TIMM44: variants seen among roughly 807,000 people sequenced by gnomAD.
TIMM44 encodes the protein translocase of inner mitochondrial membrane 44.
A neutral mutation model predicts 63.8 loss-of-function variants in TIMM44; 37 were observed. The ratio of observed to expected loss-of-function variants is 0.58; its 90% confidence interval spans 0.45 to 0.76. The LOEUF (loss-of-function observed/expected upper bound fraction) is 0.76, where lower values mean the gene tolerates loss of function less well. TIMM44 is among the 30% of genes least tolerant of loss of function. The pLI, the probability that TIMM44 is intolerant of heterozygous loss-of-function variation, is 0.00. For synonymous variants in TIMM44, 239 were observed against 245.1 expected (o/e 0.98, Z 0.23); for missense variants, 573 against 603.8 (o/e 0.95, Z 0.54).
In TIMM44 at chr19:7,934,272, ACCGGCCCTGGCGGCCG is replaced by A; in HGVS notation, c.394-50_394-35del. 1 of 1,607,458 alleles carries A rather than the reference ACCGGCCCTGGCGGCCG, an allele frequency of 6.2e-7. No homozygotes were observed. Among genetic ancestry groups the A allele is most frequent in the Non-Finnish European group, 8.5e-7 (1 of 1,179,826 alleles). The stretch of plus-strand genomic sequence containing the variant: ...ACAGACACAGAGAGGGGGCGTTGGC[ACCGGCCCTGGCGGCCG>A]GGGGGCGGGGCAGGAGGAATGAATT... On this transcript the variant is annotated intron_variant, in intron 4 of 12. Transcript: ENST00000270538. This position sits in a 1 kb window ranked among gnomAD's most constrained non-coding sequence, Gnocchi z 5.3.
At position 7,933,180 on chromosome 19, in the gene TIMM44, C is replaced by T. The variant is rs1204471835; in HGVS notation, c.770-248G>A. 6.6e-6 allele frequency among the ~76,000 whole-genome samples: 1 copy of T among 152,172 alleles called. No homozygotes were observed. The highest frequency in any genetic ancestry group is 1.5e-5 in the Non-Finnish European group (1 of 68,016). On this transcript the variant is annotated intron_variant, in intron 7 of 12. Transcript: ENST00000270538. The surrounding 1 kb of genome is among the most constrained non-coding windows in gnomAD (Gnocchi z 4.3). ...GGGCTGTGTAAGTTATGGGCCGCCA[C>T]CCCACTGGCTGTTGCTTTCACTACA...
intron 10 of TIMM44, 110 bp downstream of exon 10, chr19:7,931,028 C>G (rs1983965589): frequency 1.0e-6 from 1 of 971,376 alleles, no homozygotes; most frequent in Non-Finnish European, 1.6e-6. Context: ...ACCGGGAGCC[C>G]AGGTCCTGCC....
At chr19:7,929,610 C>T (rs1239464267) in intron 10 of TIMM44, among the ~76,000 whole-genome samples, 1 of 152,112 alleles carries the variant, frequency 6.6e-6, no homozygotes, top group East Asian at 1.9e-4. Context: ...TCTCACGACC[C>T]GTGGGAGGTG....
intron 3 of TIMM44, among the ~76,000 whole-genome samples, chr19:7,937,595 G>A (rs1984192543): frequency 6.6e-6 from 1 of 152,194 alleles, no homozygotes; most frequent in Non-Finnish European, 1.5e-5. Flanking sequence ...TCTCATTAGT[G>A]CATCAGAGCA....
chr19:7,932,579 G>A (rs1219334010), intron 9 of TIMM44, 48 bp downstream of exon 9: 2 of 1,602,246 alleles, frequency 1.2e-6, no homozygotes, highest in African/African-American at 2.7e-5. Flanking sequence ...GGAGGTGGTG[G>A]AGCCAGGACC....
chr19:7,942,337 C>T (rs996124922), intron 1 of TIMM44, among the ~76,000 whole-genome samples: 1 of 152,088 alleles, frequency 6.6e-6, no homozygotes, highest in Non-Finnish European at 1.5e-5. Context: ...TGCCTGTAAT[C>T]CCGATACTTT....
intron 3 of TIMM44, among the ~76,000 whole-genome samples, chr19:7,936,845 A>G (rs1406664912): frequency 6.6e-6 from 1 of 152,192 alleles, no homozygotes; most frequent in Non-Finnish European, 1.5e-5. Flanking sequence ...TCACACCTGT[A>G]ATCTCAGCAC....
At position 7,932,931 on chromosome 19, in the gene TIMM44, C is replaced by G. The variant is rs1057522943; in HGVS notation, c.771G>C (p.Arg257=). The change falls in exon 8 of 13, where the codon CGG becomes CGC. Residue 257 remains arginine (R), a splice_region_variant and synonymous_variant. Coordinates refer to ENST00000270538, the MANE Select transcript of TIMM44 (RefSeq NM_006351.4). ...CATACTTCATCTTCATCTCGAAGAA[C>G]CCTGTGGAAGATGGGGTAGGTGCTG... ...DFKENNVVFN[R]FFEMKMKYDE... 1 of 1,613,914 alleles carries G rather than the reference C, an allele frequency of 6.2e-7. No homozygotes were observed.
intron 3 of TIMM44, among the ~76,000 whole-genome samples, chr19:7,935,924 T>A (rs1336859213): frequency 2.0e-5 from 3 of 152,078 alleles, no homozygotes. Flanking sequence ...GAAGCTGAGA[T>A]GGGAGGATCG....
chr19:7,930,983 C>T (rs947062464), intron 10 of TIMM44, among the ~76,000 whole-genome samples, 155 bp downstream of exon 10: 29 of 151,896 alleles, frequency 1.9e-4, no homozygotes, highest in African/African-American at 6.8e-4. Flanking sequence ...GGGGGGATGT[C>T]AGGCTCTCGG....
rs1599648638 is a variant in TIMM44 at position 7,933,800 on chromosome 19, C to T, written c.683+64G>A. ...CAGGAGGGAACCATTGGTGGGCTCC[C>T]GAAATGGACAGCAGTGAAAGCTGCC... On this transcript the variant is annotated intron_variant, in intron 6 of 12. Transcript: ENST00000270538. This position sits in a 1 kb window ranked among gnomAD's most constrained non-coding sequence, Gnocchi z 4.3. The T allele has an allele frequency of 4.8e-5, 78 of 1,608,252 alleles. No individual in the cohort carries two copies. In the East Asian group the frequency reaches 1.5e-3, roughly 31 times the overall value.
chr19:7,932,944 G>A lies in TIMM44; in HGVS notation c.770-12C>T. 6.2e-7 allele frequency: 1 copy of A among 1,611,968 alleles called. No individual in the cohort carries two copies. Among genetic ancestry groups the A allele is most frequent in the Non-Finnish European group, 8.5e-7 (1 of 1,178,190 alleles). ...CATCTCGAAGAACCCTGTGGAAGATGGGGTAGGTGCTGGAGAAGGGGCCCC... is the reference window on the plus strand; with the variant it reads ...CATCTCGAAGAACCCTGTGGAAGATAGGGTAGGTGCTGGAGAAGGGGCCCC... On this transcript the variant is annotated splice_polypyrimidine_tract_variant and intron_variant, in intron 7 of 12. Transcript: ENST00000270538.
rs766962749 is a variant in TIMM44, at chr19:7,932,768, C to T, written c.863-17G>A. Reference sequence around the variant, plus strand: ...ACAGGCCCCCTGCAGGGAGCAGAGCCGGGAGTTCGGGGGGAAGGCCGGGGA... The same window carrying T: ...ACAGGCCCCCTGCAGGGAGCAGAGCTGGGAGTTCGGGGGGAAGGCCGGGGA... On this transcript the variant is annotated splice_polypyrimidine_tract_variant and intron_variant, in intron 8 of 12. Coordinates refer to ENST00000270538, the MANE Select transcript of TIMM44 (RefSeq NM_006351.4). 8.3e-5 allele frequency: 134 copies of T among 1,613,926 alleles called. No homozygotes were observed. The Admixed American group carries it at 2.0e-3, about 24-fold the overall frequency.
In TIMM44 at chr19:7,934,187, C is replaced by T. The variant is rs368458102; in HGVS notation, c.445G>A (p.Val149Met). ...SDLGRKIKEG[V>M]EEAAKTAKQS... ...TTGGCCGTCTTGGCTGCTTCCTCCA[C>T]GCCCTCCTTGATTTTCCGGCCGAGA... Residue 149 changes from valine (V) to methionine (M), a missense_variant, in exon 5 of 13, where the codon GTG becomes ATG. Transcript: ENST00000270538. This position sits in a 1 kb window ranked among gnomAD's most constrained non-coding sequence, Gnocchi z 5.3. 1.7e-5 allele frequency: 28 copies of T among 1,613,594 alleles called. No individual in the cohort carries two copies. Among genetic ancestry groups the T allele is most frequent in the African/African-American group, 5.3e-5 (4 of 75,060 alleles).
rs577187335 is a variant in TIMM44 at position 7,935,809 on chromosome 19, G to A, written c.313-664C>T. 1.2e-3 allele frequency among the ~76,000 whole-genome samples: 189 copies of A among 152,174 alleles called. 1 individual carries two copies. Among genetic ancestry groups the A allele is most frequent in the Non-Finnish European group, 1.8e-3 (124 of 68,030 alleles). The stretch of plus-strand genomic sequence containing the variant: ...ACCACAGCTTGGTCTTATGTCTCCC[G>A]CTCCATCCATCCCACTCCAAACTCA... On this transcript the variant is annotated intron_variant, in intron 3 of 12. Coordinates refer to ENST00000270538, the MANE Select transcript of TIMM44 (RefSeq NM_006351.4).
chr19:7,937,475 A>G (rs1450497941), intron 3 of TIMM44, among the ~76,000 whole-genome samples: 2 of 152,180 alleles, frequency 1.3e-5, no homozygotes, highest in East Asian at 3.9e-4. Flanking sequence ...CACTCCCAGG[A>G]GGAGCCACTG....
At chr19:7,941,316 T>TC in intron 1 of TIMM44, 119 bp from the exon 2 acceptor site, 1 of 770,244 alleles carries the variant, frequency 1.3e-6, no homozygotes, top group Non-Finnish European at 2.2e-6. Flanking sequence ...TTTTTTTTTT[T>TC]TGAGACGGAG....
At position 7,934,900 on chromosome 19, in the gene TIMM44, T is replaced by G. The variant is rs1984100001; in HGVS notation, c.393+165A>C. On this transcript the variant is annotated intron_variant, in intron 4 of 12. Coordinates refer to ENST00000270538, the MANE Select transcript of TIMM44 (RefSeq NM_006351.4). The surrounding 1 kb of genome is among the most constrained non-coding windows in gnomAD (Gnocchi z 5.3). ...CAAGGTTGCCAGTCTGACCTCACCC[T>G]GCATGTGCCGGGAACTCCTGAAACC... Among the ~76,000 whole-genome samples the G allele has an allele frequency of 6.6e-6, 1 of 152,094 alleles. No homozygotes were observed. Among genetic ancestry groups the G allele is most frequent in the Non-Finnish European group, 1.5e-5 (1 of 67,974 alleles).
chr19:7,927,359 A>G, intron 12 of TIMM44, 53 bp from the exon 13 acceptor site: 1 of 1,583,498 alleles, frequency 6.3e-7, no homozygotes, highest in Non-Finnish European at 8.6e-7. Context: ...TGACCCAGGC[A>G]GCTCTGGGGG....
Sources: allele counts gnomAD v4.1 joint callset (sites outside exome capture counted in the v4.1 genomes callset), GRCh38; gene constraint gnomAD v4.1.1; non-coding constraint Gnocchi (gnomAD v3.1); transcripts MANE v1.5; gene names NCBI Gene and HGNC (gene_info 2026-07-23, HGNC 2026-07-21).